The following RALGPS1 variants were observed in gnomAD, a reference collection of about 807,000 sequenced individuals.
RALGPS1 encodes ras-specific guanine nucleotide-releasing factor RalGPS1.
Under a neutral mutation model 78.8 loss-of-function variants are expected in RALGPS1, and 19 were observed. The observed-to-expected ratio is 0.24, with a 90% CI of 0.17 to 0.35. The LOEUF (loss-of-function observed/expected upper bound fraction) is 0.35, where lower values mean the gene tolerates loss of function less well. RALGPS1 is among the 10% of genes least tolerant of loss of function. The pLI, the probability that RALGPS1 is intolerant of heterozygous loss-of-function variation, is 1.00. For synonymous variants in RALGPS1, 228 were observed against 256.3 expected, an observed-to-expected ratio of 0.89 and a Z score of 1.06; for missense variants, 454 against 688.3, an observed-to-expected ratio of 0.66 and a Z score of 3.81.
intron 11 of RALGPS1, among the ~76,000 whole-genome samples, chr9:127,186,717 A>T (rs924002656): frequency 3.3e-5 from 5 of 152,212 alleles, no homozygotes; most frequent in African/African-American, 9.6e-5. Flanking sequence ...GAGCAGGGAG[A>T]GCAGCATCAG....
chr9:126,994,601 A>G (rs2042568966), intron 4 of RALGPS1, among the ~76,000 whole-genome samples: 1 of 152,214 alleles, frequency 6.6e-6, no homozygotes, highest in South Asian at 2.1e-4. Context: ...GTTGGAAAAC[A>G]CTCTGCAGGA....
chr9:127,159,748 CCTAATGAG>C (rs1223429323), intron 8 of RALGPS1, among the ~76,000 whole-genome samples: 1 of 152,168 alleles, frequency 6.6e-6, no homozygotes, highest in Non-Finnish European at 1.5e-5. Flanking sequence ...GCACACACAT[CCTAATGAG>C]CTGCTGCTTT....
chr9:126,971,277 TAA>T (rs997071022), intron 3 of RALGPS1, among the ~76,000 whole-genome samples: 1 of 142,594 alleles, frequency 7.0e-6, no homozygotes. Flanking sequence ...TCATGATATT[TAA>T]AAAAAAAAAA....
intron 4 of RALGPS1, among the ~76,000 whole-genome samples, chr9:127,029,556 A>G (rs915673059): frequency 1.3e-5 from 2 of 152,218 alleles, no homozygotes; most frequent in Non-Finnish European, 2.9e-5. Flanking sequence ...CCAGCCTGGC[A>G]GTGGTCCTGA....
intron 7 of RALGPS1, among the ~76,000 whole-genome samples, chr9:127,064,691 G>A (rs568829800): frequency 2.6e-5 from 4 of 152,254 alleles, no homozygotes; most frequent in South Asian, 2.1e-4. Context: ...TAGTTTTCCT[G>A]AACCACCTTC....
rs1470119275 is a variant in RALGPS1 at position 127,196,521 on chromosome 9, C to T, written c.1085C>T (p.Pro362Leu). Residue 362 changes from proline (P) to leucine (L), a missense_variant, in exon 13 of 19, where the codon CCA (proline) becomes CTA (leucine). Coordinates refer to ENST00000259351, the MANE Select transcript of RALGPS1 (RefSeq NM_014636.3). ...GTTGAGAGTAAAAGTGCGACATTCC[C>T]ATCGGAGAAAGCAAGGCACCTACTG... ...SVVESKSATFPSEKARHLLDD... is the reference protein window; with the variant it reads ...SVVESKSATFLSEKARHLLDD... 1 of 1,614,028 alleles carries T rather than the reference C, an allele frequency of 6.2e-7. No homozygotes were observed. The highest frequency in any genetic ancestry group is 8.5e-7 in the Non-Finnish European group (1 of 1,179,994).
chr9:126,940,250 G>A (rs1355065037), intron 1 of RALGPS1, among the ~76,000 whole-genome samples: 3 of 152,040 alleles, frequency 2.0e-5, no homozygotes, highest in Admixed American at 1.3e-4. Context: ...TTCAGATGTC[G>A]TGTTGGACTG....
chr9:127,156,331 C>T (rs1282515668), intron 8 of RALGPS1, among the ~76,000 whole-genome samples: 34 of 152,142 alleles, frequency 2.2e-4, no homozygotes, highest in Admixed American at 1.2e-3. Context: ...ATTACTGGGT[C>T]CTAGAAAACA....
At chr9:127,073,289 A>G (rs906479149) in intron 8 of RALGPS1, among the ~76,000 whole-genome samples, 2 of 152,128 alleles carry the variant, frequency 1.3e-5, no homozygotes, top group East Asian at 1.9e-4. Context: ...CTCTGCCTCC[A>G]TAAGATCAGC....
At chr9:127,125,139 T>G (rs2056515384) in intron 8 of RALGPS1, among the ~76,000 whole-genome samples, 1 of 152,194 alleles carries the variant, frequency 6.6e-6, no homozygotes, top group African/African-American at 2.4e-5. Flanking sequence ...TATGAGGATC[T>G]CCCTCACAGG....
rs148838652 is a variant in RALGPS1, at chr9:127,127,742, A to G, written c.611-38327A>G. 1.1e-4 allele frequency among the ~76,000 whole-genome samples: 16 copies of G among 152,374 alleles called. No individual in the cohort carries two copies. The East Asian group carries it at 3.1e-3, about 29-fold the overall frequency. On this transcript the variant is annotated intron_variant, in intron 8 of 18. Coordinates refer to ENST00000259351, the MANE Select transcript of RALGPS1 (RefSeq NM_014636.3). Reference sequence around the variant, plus strand: ...GAAATATTACTATTCTATTTTACTAACAAAAAGATTGAGACTTAGCAAAGT... The same window carrying G: ...GAAATATTACTATTCTATTTTACTAGCAAAAAGATTGAGACTTAGCAAAGT...
chr9:126,961,745 G>A (rs767819469), intron 1 of RALGPS1, among the ~76,000 whole-genome samples: 9 of 152,312 alleles, frequency 5.9e-5, no homozygotes, highest in Non-Finnish European at 1.0e-4. Flanking sequence ...GCAGTAAGCC[G>A]TGATTGAGCC....
At chr9:127,060,230 A>G (rs1310014006) in intron 7 of RALGPS1, among the ~76,000 whole-genome samples, 2 of 152,154 alleles carry the variant, frequency 1.3e-5, no homozygotes, top group Non-Finnish European at 2.9e-5. Context: ...GAGAGCCCCA[A>G]GGGAGCATGA....
intron 8 of RALGPS1, among the ~76,000 whole-genome samples, chr9:127,101,569 A>C (rs374418836): frequency 6.6e-6 from 1 of 152,130 alleles, no homozygotes; most frequent in East Asian, 1.9e-4. Flanking sequence ...TGTGCTTTCC[A>C]GCTGAGAACC....
intron 4 of RALGPS1, among the ~76,000 whole-genome samples, chr9:127,001,086 T>TACAAA (rs60748253): frequency 0.16 from 21,359 of 137,548 alleles, 1,813 homozygotes; most frequent in Middle Eastern, 0.2. Flanking sequence ...ACTCTGTCTC[T>TACAAA]ACAAAACAAA....
chr9:127,018,647 GATAATAATA>G (rs34742580), intron 4 of RALGPS1, among the ~76,000 whole-genome samples: 46 of 147,054 alleles, frequency 3.1e-4, no homozygotes, highest in African/African-American at 6.0e-4. Context: ...TAATAATGAT[GATAATAATA>G]ATAATAATAA....
rs5900740 is a variant in RALGPS1 at position 126,976,420 on chromosome 9, TCA to T, written c.166-1257_166-1256del. Among the ~76,000 whole-genome samples the T allele has an allele frequency of 1.1e-3, 158 of 150,078 alleles. No homozygotes were observed. The Middle Eastern group carries it at 0.017, about 16-fold the overall frequency. ...ATTCACAGTCACACACACCATATAC[TCA>T]CACACACACACACACACTCAGATAC... On this transcript the variant is annotated intron_variant, in intron 3 of 18. Coordinates refer to ENST00000259351, the MANE Select transcript of RALGPS1 (RefSeq NM_014636.3).
At chr9:126,997,122 C>T (rs2042845255) in intron 4 of RALGPS1, among the ~76,000 whole-genome samples, 3 of 152,286 alleles carry the variant, frequency 2.0e-5, no homozygotes, top group East Asian at 1.9e-4. Flanking sequence ...AAAACGGGCA[C>T]AAGACAGGGA....
chr9:126,949,878 A>G (rs2037645590), intron 1 of RALGPS1, among the ~76,000 whole-genome samples: 2 of 152,122 alleles, frequency 1.3e-5, no homozygotes, highest in South Asian at 4.1e-4. Flanking sequence ...TTAGACATGA[A>G]GTCCTTGCCC....
Sources: gnomAD v4.1 joint callset for allele counts (sites outside exome capture counted in the v4.1 genomes callset) on GRCh38, gnomAD v4.1.1 for gene constraint, MANE v1.5 for transcripts, NCBI Gene and HGNC (gene_info 2026-07-23, HGNC 2026-07-21) for gene names.